Variants in NLRP13 observed in about 807,000 individuals in gnomAD.
The protein encoded by NLRP13 is NACHT, LRR and PYD domains-containing protein 13.
Under a neutral mutation model 94.4 loss-of-function variants are expected in NLRP13, and 82 were observed. That is an observed-to-expected ratio of 0.87 (90% confidence interval 0.73 to 1.04). The LOEUF is 1.04. Among genes scored for constraint, NLRP13 ranks in the 50% least tolerant of loss-of-function variants. The pLI, the probability that NLRP13 is intolerant of heterozygous loss-of-function variation, is 0.00. For synonymous variants in NLRP13, 553 were observed against 464.7 expected, an observed-to-expected ratio of 1.19 and a Z score of -2.45; for missense variants, 1,426 against 1,230.8, an observed-to-expected ratio of 1.16 and a Z score of -2.37.
chr19:55,911,620 C>A, intron 5 of NLRP13, 86 bp downstream of exon 5: 1 of 1,273,028 alleles, frequency 7.9e-7, no homozygotes, highest in Non-Finnish European at 1.1e-6. Context: ...ATAACGACAA[C>A]ACATCCCTGG....
At chr19:55,916,642 C>G (rs1986683505) in intron 4 of NLRP13, among the ~76,000 whole-genome samples, 1 of 152,092 alleles carries the variant, frequency 6.6e-6, no homozygotes, top group African/African-American at 2.4e-5. Flanking sequence ...ACTTGAAGGT[C>G]TTTTGAATTA....
In NLRP13 at chr19:55,902,959, TTATAA is replaced by T. The variant is rs1005706261; in HGVS notation, c.2619-759_2619-755del. On this transcript the variant is annotated intron_variant, in intron 8 of 10. Transcript: ENST00000342929. ...CATTATAAATTATAACAACTAATTGTTATAATATATAAATAACTGTAATATTAGTC... is the reference window on the plus strand; with the variant it reads ...CATTATAAATTATAACAACTAATTGTTATATAAATAACTGTAATATTAGTC... Among the ~76,000 whole-genome samples the T allele has an allele frequency of 1.9e-3, 292 of 150,292 alleles. 1 individual carries two copies. Among genetic ancestry groups the T allele is most frequent in the African/African-American group, 5.9e-3 (244 of 41,130 alleles).
In NLRP13 at chr19:55,911,912, A is replaced by T. The variant is rs1390932074; in HGVS notation, c.1905T>A (p.Ile635=). Residue 635 remains isoleucine (I), a synonymous_variant, in exon 5 of 11, where the codon ATT becomes ATA. Transcript: ENST00000342929. ...KAESASLQFH[I]LRLFHCLHES... Reference sequence around the variant, plus strand: ...CGTGTAGGCAGTGAAAAAGTCGTAGAATGTGAAATTGGAGAGAGGCACTTT... The same window carrying T: ...CGTGTAGGCAGTGAAAAAGTCGTAGTATGTGAAATTGGAGAGAGGCACTTT... 6.2e-7 allele frequency: 1 copy of T among 1,614,064 alleles called. No individual in the cohort carries two copies. The highest frequency in any genetic ancestry group is 8.5e-7 in the Non-Finnish European group (1 of 1,180,020).
In NLRP13 at chr19:55,907,966, G is replaced by A. The variant is rs772024399; in HGVS notation, c.2283-10C>T. ...AGTTACCGATTTGCACCTGAGGAAGGGAAGGGACATGAAAGCTGGATTGGG... is the reference window on the plus strand; with the variant it reads ...AGTTACCGATTTGCACCTGAGGAAGAGAAGGGACATGAAAGCTGGATTGGG... On this transcript the variant is annotated splice_polypyrimidine_tract_variant and intron_variant, in intron 6 of 10. Transcript: ENST00000342929. 6.3e-7 allele frequency: 1 copy of A among 1,588,880 alleles called. No individual in the cohort carries two copies. Among genetic ancestry groups the A allele is most frequent in the South Asian group, 1.1e-5 (1 of 88,794 alleles).
intron 6 of NLRP13, among the ~76,000 whole-genome samples, chr19:55,909,140 A>G (rs1986434650): frequency 6.6e-6 from 1 of 152,226 alleles, no homozygotes; most frequent in South Asian, 2.1e-4. Flanking sequence ...TCATTCAAAC[A>G]AATCCCACCT....
chr19:55,898,194 G>GT (rs1209396021), intron 10 of NLRP13, among the ~76,000 whole-genome samples: 947 of 59,228 alleles, frequency 0.016, 10 homozygotes, highest in Admixed American at 0.025. Context: ...TAGCAGGAGA[G>GT]TTTTTGTTTT....
chr19:55,906,278 C>G (rs1326140960), intron 7 of NLRP13, among the ~76,000 whole-genome samples: 1 of 130,730 alleles, frequency 7.6e-6, no homozygotes, highest in Non-Finnish European at 1.5e-5. Context: ...GTGGAGGTTA[C>G]AGTGAGCCGA....
intron 8 of NLRP13, among the ~76,000 whole-genome samples, chr19:55,903,700 C>T (rs1011524650): frequency 2.0e-5 from 3 of 152,112 alleles, no homozygotes; most frequent in African/African-American, 7.2e-5. Flanking sequence ...CTGCCAACCT[C>T]ACCCTCTGGG....
At chr19:55,905,403 A>G (rs994995522) in intron 7 of NLRP13, among the ~76,000 whole-genome samples, 3 of 139,578 alleles carry the variant, frequency 2.1e-5, no homozygotes, top group African/African-American at 8.0e-5. Context: ...ATATATATAC[A>G]TACATATATA....
intron 1 of NLRP13, among the ~76,000 whole-genome samples, chr19:55,930,894 A>G (rs868265646): frequency 7.5e-5 from 9 of 119,938 alleles, no homozygotes; most frequent in African/African-American, 2.9e-4. Flanking sequence ...ATATATATAT[A>G]TATAAAATTT....
At chr19:55,928,858 A>C (rs1987033106) in intron 1 of NLRP13, among the ~76,000 whole-genome samples, 1 of 152,236 alleles carries the variant, frequency 6.6e-6, no homozygotes, top group African/African-American at 2.4e-5. Flanking sequence ...GGCAACCTGC[A>C]GAATGGGAGA....
chr19:55,918,229 C>G (rs1174284132), intron 4 of NLRP13, among the ~76,000 whole-genome samples: 2 of 139,572 alleles, frequency 1.4e-5, no homozygotes, highest in East Asian at 4.1e-4. Flanking sequence ...GGAGACACAA[C>G]ATATCAAAAC....
At chr19:55,894,112 C>T (rs917523495), downstream of NLRP13, among the ~76,000 whole-genome samples, 2 of 141,088 alleles carry the variant, frequency 1.4e-5, no homozygotes, top group Non-Finnish European at 3.0e-5. Context: ...ATGATCATGG[C>T]TCACTACAGC....
At chr19:55,909,963 C>T (rs923574810) in intron 6 of NLRP13, among the ~76,000 whole-genome samples, 2 of 152,082 alleles carry the variant, frequency 1.3e-5, no homozygotes, top group African/African-American at 4.8e-5. Flanking sequence ...AAATGCAAGC[C>T]ACCTTCCTCC....
intron 1 of NLRP13, among the ~76,000 whole-genome samples, chr19:55,925,649 C>A (rs775789105): frequency 1.1e-4 from 17 of 152,150 alleles, no homozygotes; most frequent in South Asian, 4.1e-4. Flanking sequence ...CTCTGAATGT[C>A]CCCTTCCTCA....
In NLRP13 at chr19:55,909,032, T is replaced by G. The variant is rs185833773; in HGVS notation, c.2283-1076A>C. Among the ~76,000 whole-genome samples, 724 of 152,330 alleles carry G rather than the reference T, an allele frequency of 4.8e-3. 8 individuals are homozygous for G. The highest frequency in any genetic ancestry group is 0.016 in the African/African-American group (676 of 41,576). ...TACGATCAAACCTTTCACTCTTAAC[T>G]GGTTGAATCAATGCACACATCTAGG... On this transcript the variant is annotated intron_variant, in intron 6 of 10. Coordinates refer to ENST00000342929, the MANE Select transcript of NLRP13 (RefSeq NM_176810.2).
chr19:55,919,919 T>A (rs967848302), intron 4 of NLRP13, among the ~76,000 whole-genome samples: 1 of 152,238 alleles, frequency 6.6e-6, no homozygotes, highest in East Asian at 1.9e-4. Flanking sequence ...TCACCTTACC[T>A]GACTTCAAAT....
chr19:55,928,869 A>G (rs1475129618), intron 1 of NLRP13, among the ~76,000 whole-genome samples: 1 of 152,228 alleles, frequency 6.6e-6, no homozygotes, highest in Non-Finnish European at 1.5e-5. Context: ...GAATGGGAGA[A>G]AATTTTTGTA....
rs1367064585 is a variant in NLRP13 at position 55,924,315 on chromosome 19, G to GT, written c.457+274dup. The stretch of plus-strand genomic sequence containing the variant: ...TTTTTGTATTTTTAGTAGAGATGGA[G>GT]TTTCATCATGTTGGCAAGGCTGGTC... On this transcript the variant is annotated intron_variant, in intron 3 of 10. Coordinates refer to ENST00000342929, the MANE Select transcript of NLRP13 (RefSeq NM_176810.2). 3.3e-5 allele frequency among the ~76,000 whole-genome samples: 5 copies of GT among 151,998 alleles called. No homozygotes were observed. In the South Asian group the frequency reaches 1.0e-3, roughly 32 times the overall value.
Sources: gnomAD v4.1 joint callset for allele counts (sites outside exome capture counted in the v4.1 genomes callset) on GRCh38, gnomAD v4.1.1 for gene constraint, MANE v1.5 for transcripts, NCBI Gene and HGNC (gene_info 2026-07-23, HGNC 2026-07-21) for gene names.